Variants in NT5C2 observed in about 807,000 individuals in gnomAD.
The protein encoded by NT5C2 is 5'-nucleotidase, cytosolic II.
Under a neutral mutation model 76.1 loss-of-function variants are expected in NT5C2, and 58 were observed. The observed-to-expected ratio is 0.76, with a 90% CI of 0.62 to 0.95. NT5C2 has a LOEUF of 0.95. Among genes scored for constraint, NT5C2 ranks in the 40% least tolerant of loss-of-function variants. The pLI is 0.00. For synonymous variants in NT5C2, 229 were observed against 237.4 expected, an observed-to-expected ratio of 0.96 and a Z score of 0.32; for missense variants, 478 against 690.3, an observed-to-expected ratio of 0.69 and a Z score of 3.45.
At chr10:103,181,988 C>T (rs1336578273) in intron 1 of NT5C2, among the ~76,000 whole-genome samples, 1 of 145,810 alleles carries the variant, frequency 6.9e-6, no homozygotes. Context: ...CCAGCCTGGG[C>T]AACAGAGCGA....
At chr10:103,163,063 G>A (rs1265708155) in intron 3 of NT5C2, among the ~76,000 whole-genome samples, 4 of 152,084 alleles carry the variant, frequency 2.6e-5, no homozygotes, top group Non-Finnish European at 5.9e-5. Context: ...ATTTAAGACT[G>A]TCTTATTTGA....
intron 1 of NT5C2, among the ~76,000 whole-genome samples, chr10:103,192,547 G>A (rs2092715715): frequency 6.6e-6 from 1 of 152,238 alleles, no homozygotes; most frequent in African/African-American, 2.4e-5. Context: ...GGCCGCCACT[G>A]AACGGCTCAG....
chr10:103,143,180 T>C (rs2080846076), intron 3 of NT5C2, among the ~76,000 whole-genome samples: 1 of 152,038 alleles, frequency 6.6e-6, no homozygotes, highest in South Asian at 2.1e-4. Flanking sequence ...TGTAGGAAAT[T>C]AGAATGATAT....
chr10:103,146,589 T>A (rs1261968657), intron 3 of NT5C2: 2 of 312,672 alleles, frequency 6.4e-6, no homozygotes, highest in Non-Finnish European at 9.3e-6. Context: ...TAATGTGGAT[T>A]TTTTGTTGAA....
rs1360661944 is a variant in NT5C2, at chr10:103,129,456, C to T, written c.175+9950G>A. ...AGGAGCCCCTCAGCCCGGCCAGCCA[C>T]CCCGTCCGGGAGGGAGATGGGGGGG... On this transcript the variant is annotated intron_variant, in intron 4 of 18. Transcript: ENST00000404739. Among the ~76,000 whole-genome samples, 5 of 109,862 alleles carry T rather than the reference C, an allele frequency of 4.6e-5. No individual in the cohort carries two copies. The East Asian group carries it at 9.1e-4, about 20-fold the overall frequency. 72.1% of individuals were successfully genotyped at this position (109,862 alleles called of 152,430 possible).
intron 9 of NT5C2, 96 bp from the exon 10 acceptor site, chr10:103,099,080 C>G (rs2068902049): frequency 2.1e-6 from 2 of 973,498 alleles, no homozygotes; most frequent in Non-Finnish European, 3.1e-6. Flanking sequence ...CAACCCAAAT[C>G]CTTTCTTTTT....
intron 3 of NT5C2, among the ~76,000 whole-genome samples, chr10:103,143,310 A>G (rs976571934): frequency 3.3e-5 from 5 of 152,178 alleles, no homozygotes; most frequent in Admixed American, 3.3e-4. Context: ...ATGGTCTCCA[A>G]AGAAGAGTAA....
chr10:103,112,261 G>C (rs1156324269), intron 4 of NT5C2, among the ~76,000 whole-genome samples: 1 of 152,086 alleles, frequency 6.6e-6, no homozygotes, highest in African/African-American at 2.4e-5. Flanking sequence ...GCCTCATCTT[G>C]CTTCCAAGTA....
chr10:103,191,633 T>A (rs1038804408), intron 1 of NT5C2, among the ~76,000 whole-genome samples: 4 of 152,214 alleles, frequency 2.6e-5, no homozygotes, highest in Non-Finnish European at 5.9e-5. Flanking sequence ...TGAAAACTTG[T>A]AGCTGATGGT....
chr10:103,161,210 C>T (rs982652642), intron 3 of NT5C2, among the ~76,000 whole-genome samples: 1 of 152,180 alleles, frequency 6.6e-6, no homozygotes. Context: ...CAAGGTCTCC[C>T]TCTGTCATCC....
chr10:103,113,461 G>A (rs1156817761), intron 4 of NT5C2, among the ~76,000 whole-genome samples: 2 of 151,692 alleles, frequency 1.3e-5, no homozygotes, highest in African/African-American at 4.8e-5. Context: ...TTAACCAAAG[G>A]AGCTGCTTGT....
chr10:103,184,715 T>C (rs1178872473), intron 1 of NT5C2, among the ~76,000 whole-genome samples: 2 of 152,240 alleles, frequency 1.3e-5, no homozygotes, highest in African/African-American at 4.8e-5. Context: ...AATGAATCTT[T>C]GTGAAATCTT....
At chr10:103,173,921 C>A (rs915172432) in intron 3 of NT5C2, among the ~76,000 whole-genome samples, 5 of 151,810 alleles carry the variant, frequency 3.3e-5, no homozygotes, top group Non-Finnish European at 7.4e-5. Flanking sequence ...CACGGTGAAA[C>A]CCTGTCTCTA....
At chr10:103,099,450 A>G (rs1197412813) in intron 9 of NT5C2, among the ~76,000 whole-genome samples, 1 of 152,230 alleles carries the variant, frequency 6.6e-6, no homozygotes, top group African/African-American at 2.4e-5. Context: ...AGTAGCAGGT[A>G]TGATTTGCTG....
At chr10:103,154,595 C>T (rs963526922) in intron 3 of NT5C2, among the ~76,000 whole-genome samples, 1 of 152,024 alleles carries the variant, frequency 6.6e-6, no homozygotes. Flanking sequence ...TAAGCCTGAG[C>T]GTTTTAATCT....
chr10:103,110,715 G>A (rs113161511), intron 4 of NT5C2, among the ~76,000 whole-genome samples: 2 of 152,314 alleles, frequency 1.3e-5, no homozygotes, highest in African/African-American at 4.8e-5. Context: ...ACAAGCTTAT[G>A]AGAAAATGTC....
At chr10:103,164,652 C>T (rs1289681716) in intron 3 of NT5C2, among the ~76,000 whole-genome samples, 1 of 152,102 alleles carries the variant, frequency 6.6e-6, no homozygotes, top group Non-Finnish European at 1.5e-5. Context: ...TGGAATGACA[C>T]ACAGTAATTA....
chr10:103,098,599 A>G, intron 10 of NT5C2: 1 of 225,476 alleles, frequency 4.4e-6, no homozygotes, highest in South Asian at 8.1e-5. Flanking sequence ...GGCATAATGC[A>G]TGTAATCACT....
intron 3 of NT5C2, among the ~76,000 whole-genome samples, chr10:103,167,634 T>C (rs1204432722): frequency 6.6e-6 from 1 of 152,082 alleles, no homozygotes; most frequent in Non-Finnish European, 1.5e-5. Flanking sequence ...TTTCCCCTTT[T>C]TTTGTTTTTG....
Sources: allele counts gnomAD v4.1 joint callset (sites outside exome capture counted in the v4.1 genomes callset), GRCh38; gene constraint gnomAD v4.1.1; transcripts MANE v1.5; gene names NCBI Gene and HGNC (gene_info 2026-07-23, HGNC 2026-07-21).